The following CUL5 variants were observed in gnomAD, a reference collection of about 807,000 sequenced individuals.
CUL5 encodes the protein cullin 5.
CUL5 carries 26 observed loss-of-function variants against 108.8 expected under a neutral mutation model. That is an observed-to-expected ratio of 0.24 (90% CI 0.18 to 0.33). CUL5 has a LOEUF of 0.33. Ranked by LOEUF, CUL5 falls within the 10% of genes least tolerant of loss-of-function variation. CUL5 has a pLI of 1.00. For synonymous variants in CUL5, 334 were observed against 298.0 expected, an observed-to-expected ratio of 1.12 and a Z score of -1.25; for missense variants, 524 against 909.2, an observed-to-expected ratio of 0.58 and a Z score of 5.45.
chr11:108,055,175 A>T (rs1863341354), intron 7 of CUL5, among the ~76,000 whole-genome samples: 1 of 152,178 alleles, frequency 6.6e-6, no homozygotes, highest in Non-Finnish European at 1.5e-5. Context: ...TATTTGCCAT[A>T]CCTGTTCTAG....
intron 1 of CUL5, among the ~76,000 whole-genome samples, chr11:108,033,206 G>A (rs1013058780): frequency 9.2e-5 from 14 of 152,082 alleles, no homozygotes; most frequent in Non-Finnish European, 1.3e-4. Context: ...TTTCTCTCCC[G>A]GCATCAATGT....
At chr11:108,072,517 G>A (rs1315198288) in intron 9 of CUL5, 55 bp downstream of exon 9, 4 of 1,480,860 alleles carry the variant, frequency 2.7e-6, no homozygotes, top group South Asian at 2.5e-5. Flanking sequence ...TTTTTTAAAT[G>A]TAGGATTATT....
intron 2 of CUL5, among the ~76,000 whole-genome samples, chr11:108,044,395 G>GT (rs1345914910): frequency 1.3e-5 from 2 of 151,578 alleles, no homozygotes; most frequent in Non-Finnish European, 2.9e-5. Context: ...CATACCTGTG[G>GT]TCCCAGCTAG....
At chr11:108,090,728 T>C (rs1422208444) in intron 13 of CUL5, among the ~76,000 whole-genome samples, 1 of 152,130 alleles carries the variant, frequency 6.6e-6, no homozygotes, top group Non-Finnish European at 1.5e-5. Context: ...GTAAATATCT[T>C]TAATTTCTGT....
chr11:108,013,042 T>G (rs953088384), intron 1 of CUL5, among the ~76,000 whole-genome samples: 2 of 152,144 alleles, frequency 1.3e-5, no homozygotes, highest in Non-Finnish European at 2.9e-5. Context: ...TCCCACCCAA[T>G]TGTATAGAAC....
chr11:108,017,863 C>T (rs560579642), intron 1 of CUL5, among the ~76,000 whole-genome samples: 59 of 152,034 alleles, frequency 3.9e-4, no homozygotes, highest in African/African-American at 1.0e-3. Flanking sequence ...AAAAAGTGTT[C>T]GGAAGGTGGA....
chr11:108,059,584 A>G (rs1019462707), intron 7 of CUL5, among the ~76,000 whole-genome samples: 9 of 152,154 alleles, frequency 5.9e-5, no homozygotes, highest in African/African-American at 2.2e-4. Flanking sequence ...TTTCCTAACT[A>G]TAAAATGGAA....
Position 108,107,376 on chromosome 11 carries a change from A to G in CUL5, c.*2992A>G, listed in dbSNP as rs751608745. The G allele has an allele frequency of 2.6e-5, 4 of 152,610 alleles. No individual in the cohort carries two copies. The highest frequency in any genetic ancestry group is 4.4e-5 in the Non-Finnish European group (3 of 68,022). 9.5% of individuals were successfully genotyped at this position (152,610 alleles called of 1,614,324 possible). A position where few individuals can be genotyped will look rare whatever the true frequency, so the allele number is the denominator to read the frequency against. On this transcript the variant is annotated 3_prime_UTR_variant, in exon 19 of 19. Coordinates refer to ENST00000393094, the MANE Select transcript of CUL5 (RefSeq NM_003478.6). Reference sequence around the variant, plus strand: ...CTTCAGTCTGGGTGAAAGATTTGCTAGTTTTACAGAAAGATTTGCTATCTT... The same window carrying G: ...CTTCAGTCTGGGTGAAAGATTTGCTGGTTTTACAGAAAGATTTGCTATCTT...
chr11:108,045,154 T>C (rs1863035708), intron 2 of CUL5, among the ~76,000 whole-genome samples: 1 of 152,242 alleles, frequency 6.6e-6, no homozygotes, highest in South Asian at 2.1e-4. Context: ...GTAAACTATG[T>C]CAGCTTTATA....
At chr11:108,053,721 C>T (rs183628583) in intron 5 of CUL5, among the ~76,000 whole-genome samples, 7 of 151,130 alleles carry the variant, frequency 4.6e-5, no homozygotes, top group African/African-American at 1.5e-4. Context: ...GCTCTGTTGC[C>T]CAAGCTGGAG....
At chr11:108,034,397 T>C (rs1862673330) in intron 2 of CUL5, among the ~76,000 whole-genome samples, 1 of 152,188 alleles carries the variant, frequency 6.6e-6, no homozygotes, top group South Asian at 2.1e-4. Flanking sequence ...CCATATTGTT[T>C]ATATAAACAG....
chr11:108,056,991 T>C (rs1329667062), intron 7 of CUL5, among the ~76,000 whole-genome samples: 1 of 152,126 alleles, frequency 6.6e-6, no homozygotes, highest in Non-Finnish European at 1.5e-5. Context: ...AGGATTTGGG[T>C]ATTTGTTGTA....
intron 1 of CUL5, among the ~76,000 whole-genome samples, chr11:108,022,039 C>G (rs1862339745): frequency 6.6e-6 from 1 of 152,160 alleles, no homozygotes; most frequent in Non-Finnish European, 1.5e-5. Context: ...GAGATGGGGT[C>G]TTTCTTTGAT....
In CUL5 at chr11:108,079,927, T is replaced by C. The variant is rs1199468626; in HGVS notation, c.1178+1687T>C. Among the ~76,000 whole-genome samples, 5 of 152,204 alleles carry C rather than the reference T, an allele frequency of 3.3e-5. No individual in the cohort carries two copies. The East Asian group carries it at 9.6e-4, about 29-fold the overall frequency. On this transcript the variant is annotated intron_variant, in intron 11 of 18. Coordinates refer to ENST00000393094, the MANE Select transcript of CUL5 (RefSeq NM_003478.6). ...TATGTTTTGGCATGTAACAGTAGTT[T>C]GCTTTCCAAAGTGGTTATTCTCTTT...
At position 108,080,552 on chromosome 11, in the gene CUL5, C is replaced by T. The variant is rs561537372; in HGVS notation, c.1178+2312C>T. 9.9e-5 allele frequency among the ~76,000 whole-genome samples: 15 copies of T among 152,236 alleles called. 2 individuals are homozygous for T. In the South Asian group the frequency reaches 2.5e-3, roughly 25 times the overall value. On this transcript the variant is annotated intron_variant, in intron 11 of 18. Coordinates refer to ENST00000393094, the MANE Select transcript of CUL5 (RefSeq NM_003478.6). Reference sequence around the variant, plus strand: ...CTGGGACTACAGGTGTGTGCCACCACGCCCAGCTAATTTTTGTATTTTTAG... The same window carrying T: ...CTGGGACTACAGGTGTGTGCCACCATGCCCAGCTAATTTTTGTATTTTTAG...
rs1051706839 is a variant in CUL5, at chr11:108,010,117, A to G, written c.24+745A>G. 4.6e-5 allele frequency among the ~76,000 whole-genome samples: 7 copies of G among 152,262 alleles called. 1 individual carries two copies. The highest frequency in any genetic ancestry group is 2.6e-4 in the Admixed American group (4 of 15,286). On this transcript the variant is annotated intron_variant, in intron 1 of 18. Transcript: ENST00000393094. ...CAGGGGCAGATTCTCCACCAGTTAA[A>G]AAGTTTGGAGAAGAATGAGGAAGAC...
At chr11:108,099,192 A>T (rs1864579309) in intron 18 of CUL5, among the ~76,000 whole-genome samples, 1 of 152,170 alleles carries the variant, frequency 6.6e-6, no homozygotes, top group Admixed American at 6.5e-5. Flanking sequence ...TTTAGTGGAG[A>T]CAGGGTTTTG....
chr11:108,030,601 C>T (rs552443974), intron 1 of CUL5, among the ~76,000 whole-genome samples: 2 of 152,294 alleles, frequency 1.3e-5, no homozygotes, highest in South Asian at 2.1e-4. Context: ...CGTGCCACCG[C>T]GCTCCAGCTT....
intron 13 of CUL5, among the ~76,000 whole-genome samples, chr11:108,093,308 G>A (rs546871305): frequency 2.1e-4 from 32 of 152,156 alleles, no homozygotes; most frequent in Non-Finnish European, 4.1e-4. Flanking sequence ...GGCTGTCAGT[G>A]TCATGAAATA....
Sources: gnomAD v4.1 joint callset for allele counts (sites outside exome capture counted in the v4.1 genomes callset) on GRCh38, gnomAD v4.1.1 for gene constraint, MANE v1.5 for transcripts, NCBI Gene and HGNC (gene_info 2026-07-23, HGNC 2026-07-21) for gene names.